KCNIP4: variants seen among roughly 807,000 people sequenced by gnomAD.
KCNIP4 encodes the protein Kv channel-interacting protein 4.
In KCNIP4, 12 loss-of-function variants were observed where a neutral mutation model predicts 34.0. The ratio of observed to expected loss-of-function variants is 0.35; its 90% CI spans 0.23 to 0.57. The LOEUF (loss-of-function observed/expected upper bound fraction) is 0.57, where lower values mean the gene tolerates loss of function less well. KCNIP4 is among the 20% of genes least tolerant of loss of function. The pLI is 0.83. For missense variants in KCNIP4, 238 were observed against 311.7 expected, an observed-to-expected ratio of 0.76 and a Z score of 1.78; for synonymous variants, 124 against 102.2, an observed-to-expected ratio of 1.21 and a Z score of -1.29.
At chr4:21,583,351 C>A (rs531067746) in intron 1 of KCNIP4, among the ~76,000 whole-genome samples, 2 of 151,770 alleles carry the variant, frequency 1.3e-5, no homozygotes, top group African/African-American at 2.4e-5. Flanking sequence ...CTTCAGGATC[C>A]TCATGGGCAA....
intron 1 of KCNIP4, among the ~76,000 whole-genome samples, chr4:21,473,335 G>T (rs1730624554): frequency 6.6e-6 from 1 of 152,120 alleles, no homozygotes. Context: ...GGGAACTGGG[G>T]CATCTAGCCC....
At chr4:21,719,970 A>AG (rs2109093015) in intron 1 of KCNIP4, among the ~76,000 whole-genome samples, 2 of 107,682 alleles carry the variant, frequency 1.9e-5, no homozygotes, top group African/African-American at 7.5e-5. Context: ...TCTCAAAAAA[A>AG]AAAAAAAAAG....
chr4:21,025,739 A>C (rs891223999), intron 1 of KCNIP4, among the ~76,000 whole-genome samples: 5 of 151,574 alleles, frequency 3.3e-5, no homozygotes, highest in African/African-American at 1.2e-4. Context: ...TATTTTTAGA[A>C]GAGATGGGGT....
chr4:20,773,307 C>G (rs971825199), intron 3 of KCNIP4, among the ~76,000 whole-genome samples: 9 of 152,158 alleles, frequency 5.9e-5, no homozygotes, highest in Admixed American at 2.6e-4. Context: ...TTTGCCTTCT[C>G]CTAGTGCTTC....
intron 1 of KCNIP4, among the ~76,000 whole-genome samples, chr4:20,928,424 C>G (rs1459516794): frequency 1.3e-5 from 2 of 151,516 alleles, no homozygotes; most frequent in African/African-American, 4.8e-5. Context: ...TATTTTGAAA[C>G]AAATGACAAC....
chr4:21,208,188 A>G (rs2108970542), intron 1 of KCNIP4, among the ~76,000 whole-genome samples: 1 of 152,246 alleles, frequency 6.6e-6, no homozygotes, highest in Non-Finnish European at 1.5e-5. Flanking sequence ...TTTTCAATGC[A>G]ATTAATGAAA....
At chr4:21,454,902 C>T (rs913247279) in intron 1 of KCNIP4, among the ~76,000 whole-genome samples, 2 of 152,004 alleles carry the variant, frequency 1.3e-5, no homozygotes, top group Admixed American at 1.3e-4. Context: ...AATATTTGGA[C>T]AATCCTCGAG....
intron 1 of KCNIP4, among the ~76,000 whole-genome samples, chr4:21,501,223 T>TTCTCTC (rs764384677): frequency 7.0e-6 from 1 of 142,432 alleles, no homozygotes. Flanking sequence ...TCAACTGCCT[T>TTCTCTC]TCTCTCTCTC....
In KCNIP4 at chr4:21,133,810, T is replaced by C. The variant is rs532790981; in HGVS notation, c.62-251101A>G. Reference sequence around the variant, plus strand: ...AAGTTGTATTTTGTTTTCTAATTTTTACTCTCAAGCCACCAACTTTCAAAG... The same window carrying C: ...AAGTTGTATTTTGTTTTCTAATTTTCACTCTCAAGCCACCAACTTTCAAAG... On this transcript the variant is annotated intron_variant, in intron 1 of 8. Coordinates refer to ENST00000382152, the MANE Select transcript of KCNIP4 (RefSeq NM_025221.6). Among the ~76,000 whole-genome samples the C allele has an allele frequency of 3.3e-5, 5 of 152,336 alleles. No individual in the cohort carries two copies. In the South Asian group the frequency reaches 1.0e-3, roughly 32 times the overall value.
chr4:21,252,866 G>A (rs1036338259), intron 1 of KCNIP4, among the ~76,000 whole-genome samples: 2 of 151,616 alleles, frequency 1.3e-5, no homozygotes, highest in African/African-American at 2.4e-5. Flanking sequence ...AGAGCCTTGG[G>A]TCCCATCCTA....
chr4:21,300,404 A>G (rs916700537), intron 1 of KCNIP4, among the ~76,000 whole-genome samples: 9 of 152,248 alleles, frequency 5.9e-5, no homozygotes, highest in Non-Finnish European at 1.2e-4. Context: ...AACACTGGCC[A>G]CAGGTATTGT....
intron 1 of KCNIP4, among the ~76,000 whole-genome samples, chr4:20,905,509 C>CTTTCTTTTTTTTTTT (rs71655610): frequency 5.8e-4 from 42 of 72,800 alleles, no homozygotes; most frequent in Non-Finnish European, 7.1e-4. Context: ...CGTTTTCTTT[C>CTTTCTTTTTTTTTTT]TTTTTTTTTT....
intron 3 of KCNIP4, among the ~76,000 whole-genome samples, chr4:20,826,086 AT>A (rs1025916620): frequency 3.9e-5 from 6 of 152,246 alleles, no homozygotes; most frequent in African/African-American, 1.4e-4. Context: ...TGAGAAACTA[AT>A]CCTAGGTAAA....
chr4:21,898,270 T>A (rs932147970), intron 1 of KCNIP4, among the ~76,000 whole-genome samples: 7 of 152,120 alleles, frequency 4.6e-5, no homozygotes, highest in Non-Finnish European at 1.0e-4. Context: ...GTCAGTGGTC[T>A]TGGGATGCAC....
Position 21,323,687 on chromosome 4 carries a change from C to T in KCNIP4, c.62-440978G>A, listed in dbSNP as rs80224387. Among the ~76,000 whole-genome samples, 66 of 152,088 alleles carry T rather than the reference C, an allele frequency of 4.3e-4. No individual in the cohort carries two copies. The East Asian group carries it at 0.01, about 24-fold the overall frequency. On this transcript the variant is annotated intron_variant, in intron 1 of 8. Transcript: ENST00000382152. ...TTTTGATAGACACATAAGTAGCTTC[C>T]GTATCTTGGATATTGTGAATAGTGC...
rs1729396920 is a variant in KCNIP4 at position 21,460,755 on chromosome 4, A to C, written c.61+487816T>G. On this transcript the variant is annotated intron_variant, in intron 1 of 8. Coordinates refer to ENST00000382152, the MANE Select transcript of KCNIP4 (RefSeq NM_025221.6). ...GGGCATTTTTACTGCAAAATTTCTC[A>C]GTAACTTTAGAGAATGTCATGTATG... Among the ~76,000 whole-genome samples the C allele has an allele frequency of 2.0e-5, 3 of 152,062 alleles. 1 individual carries two copies. The highest frequency in any genetic ancestry group is 7.2e-5 in the African/African-American group (3 of 41,398).
intron 3 of KCNIP4, among the ~76,000 whole-genome samples, chr4:20,783,018 C>G (rs968071750): frequency 5.3e-5 from 8 of 152,148 alleles, no homozygotes; most frequent in African/African-American, 1.9e-4. Flanking sequence ...CTCAAAGTTC[C>G]ACAAATCTCT....
rs548261892 is a variant in KCNIP4, at chr4:21,519,023, C to T, written c.61+429548G>A. The stretch of plus-strand genomic sequence containing the variant: ...CATCCATTTATCCCACTGAGCAAAC[C>T]GAAGAAAATGGGGCTTGAGTAATTT... On this transcript the variant is annotated intron_variant, in intron 1 of 8. Transcript: ENST00000382152. Among the ~76,000 whole-genome samples, 71 of 152,064 alleles carry T rather than the reference C, an allele frequency of 4.7e-4. 1 individual carries two copies. Among genetic ancestry groups the T allele is most frequent in the Non-Finnish European group, 9.1e-4 (62 of 67,998 alleles).
At chr4:21,593,161 A>T (rs1165677959) in intron 1 of KCNIP4, among the ~76,000 whole-genome samples, 1 of 148,002 alleles carries the variant, frequency 6.8e-6, no homozygotes, top group East Asian at 2.0e-4. Flanking sequence ...TAACAGAGTG[A>T]AAAAAAAAAG....
Sources: gnomAD v4.1 joint callset for allele counts (sites outside exome capture counted in the v4.1 genomes callset) on GRCh38, gnomAD v4.1.1 for gene constraint, MANE v1.5 for transcripts, NCBI Gene and HGNC (gene_info 2026-07-23, HGNC 2026-07-21) for gene names.